PKD2L1: variants seen among roughly 807,000 people sequenced by gnomAD.
PKD2L1 encodes polycystin 2 like 1, transient receptor potential cation channel.
Under a neutral mutation model 93.0 loss-of-function variants are expected in PKD2L1, and 77 were observed. The observed-to-expected ratio is 0.83, with a 90% CI of 0.69 to 1.00. The LOEUF (loss-of-function observed/expected upper bound fraction) is 1.00, where lower values mean the gene tolerates loss of function less well. Ranked by LOEUF, PKD2L1 falls within the 50% of genes least tolerant of loss-of-function variation. The probability of loss-of-function intolerance (pLI) is 0.00; values close to 1 mark genes in which losing one functional copy is unlikely to be tolerated. For synonymous variants in PKD2L1, 390 were observed against 388.0 expected, an observed-to-expected ratio of 1.01 and a Z score of -0.06; for missense variants, 977 against 990.9, an observed-to-expected ratio of 0.99 and a Z score of 0.19.
At chr10:100,323,095 C>T (rs959645779) in intron 2 of PKD2L1, among the ~76,000 whole-genome samples, 2 of 151,956 alleles carry the variant, frequency 1.3e-5, no homozygotes, top group South Asian at 2.1e-4. Context: ...GTGGTGGTGG[C>T]GGTTGTGATA....
intron 2 of PKD2L1, among the ~76,000 whole-genome samples, chr10:100,308,149 C>T (rs1031618743): frequency 6.6e-6 from 1 of 151,978 alleles, no homozygotes; most frequent in African/African-American, 2.4e-5. Flanking sequence ...TCTGTACACA[C>T]TATATCATGC....
At chr10:100,320,446 C>A (rs1344563907) in intron 2 of PKD2L1, among the ~76,000 whole-genome samples, 1 of 152,140 alleles carries the variant, frequency 6.6e-6, no homozygotes, top group Non-Finnish European at 1.5e-5. Flanking sequence ...GGGCTTGTCC[C>A]CTGCCAAATT....
intron 14 of PKD2L1, 53 bp from the exon 15 acceptor site, chr10:100,289,109 T>C: frequency 7.6e-7 from 1 of 1,308,250 alleles, no homozygotes; most frequent in Non-Finnish European, 1.1e-6. Context: ...TGTGTACCAC[T>C]TTTCTTTTCT....
rs150881773 is a variant in PKD2L1, at chr10:100,317,575, T to C, written c.349+11636A>G. Among the ~76,000 whole-genome samples, 42 of 152,300 alleles carry C rather than the reference T, an allele frequency of 2.8e-4. 1 individual carries two copies. Among genetic ancestry groups the C allele is most frequent in the African/African-American group, 9.4e-4 (39 of 41,568 alleles). ...CAAAGAAAAATTTTAATGGAATTGT[T>C]TTCCATGTTTGCAAGTCTCCTAATG... On this transcript the variant is annotated intron_variant, in intron 2 of 15. Transcript: ENST00000318222.
chr10:100,312,318 T>A (rs1848952596), intron 2 of PKD2L1, among the ~76,000 whole-genome samples: 1 of 152,224 alleles, frequency 6.6e-6, no homozygotes. Flanking sequence ...ATTCTGGTTC[T>A]AGAGAACCTA....
rs772715121 is a variant in PKD2L1, at chr10:100,293,418, ACCCACTGAAAGGATTGAG to A, written c.1660-57_1660-40del. 3.1e-6 allele frequency: 4 copies of A among 1,303,378 alleles called. No individual in the cohort carries two copies. The East Asian group carries it at 9.2e-5, about 30-fold the overall frequency. The allele number at this position is 1,303,378 out of a possible 1,614,324, so 80.7% of individuals were successfully genotyped here. A position where few individuals can be genotyped will look rare whatever the true frequency, so the allele number is the denominator to read the frequency against. The stretch of plus-strand genomic sequence containing the variant: ...TGGGGACCTGGGTCCTCACCCCCAG[ACCCACTGAAAGGATTGAG>A]CCCACTGACCCCATTAATGTCCAAG... On this transcript the variant is annotated intron_variant, in intron 9 of 15. Transcript: ENST00000318222.
intron 2 of PKD2L1, among the ~76,000 whole-genome samples, chr10:100,311,004 T>C (rs1464212798): frequency 6.6e-6 from 1 of 152,228 alleles, no homozygotes; most frequent in East Asian, 1.9e-4. Context: ...GTGCTAGGAT[T>C]ACAGGCATGA....
chr10:100,293,256 T>C (rs777254730), intron 10 of PKD2L1, 25 bp downstream of exon 10: 12 of 1,563,074 alleles, frequency 7.7e-6, no homozygotes, highest in South Asian at 2.2e-5. Flanking sequence ...TGGAAATGTG[T>C]AGCTCAAGGA....
rs771061247 is a variant in PKD2L1 at position 100,329,901 on chromosome 10, C to G, written c.203G>C (p.Ser68Thr). ...GCCTTGACAGATATGGAGGCAGCAG[C>G]TGGACACCTGGGTCCTGTATGCCGT... ...QETAYRTQVS[S>T]CCLHICQGIR... Residue 68 changes from serine (S) to threonine (T), a missense_variant, in exon 1 of 16, where the codon AGC becomes ACC. Transcript: ENST00000318222. The G allele has an allele frequency of 3.7e-6, 6 of 1,613,244 alleles. No individual in the cohort carries two copies. Among genetic ancestry groups the G allele is most frequent in the Non-Finnish European group, 4.2e-6 (5 of 1,179,294 alleles).
intron 2 of PKD2L1, among the ~76,000 whole-genome samples, chr10:100,309,769 GC>G (rs1848889327): frequency 6.6e-6 from 1 of 152,162 alleles, no homozygotes; most frequent in African/African-American, 2.4e-5. Flanking sequence ...GAATGAGAAA[GC>G]CCCAGAAGAG....
chr10:100,299,191 A>G (rs569051320), intron 3 of PKD2L1, among the ~76,000 whole-genome samples: 1 of 152,280 alleles, frequency 6.6e-6, no homozygotes, highest in East Asian at 1.9e-4. Context: ...AACTGACCTC[A>G]GGTGATTTGT....
chr10:100,298,899 TC>T, intron 3 of PKD2L1, 84 bp from the exon 4 acceptor site: 1 of 1,286,594 alleles, frequency 7.8e-7, no homozygotes, highest in Non-Finnish European at 1.1e-6. Flanking sequence ...ATCCTCTGAC[TC>T]CCCAGCTTGT....
At chr10:100,290,569 A>G in intron 12 of PKD2L1, 50 bp from the exon 13 acceptor site, 1 of 1,199,296 alleles carries the variant, frequency 8.3e-7, no homozygotes, top group Admixed American at 1.7e-5. Context: ...CTGGGAAGCC[A>G]TCAGCTCCTG....
At chr10:100,305,980 C>T (rs570799208) in intron 2 of PKD2L1, among the ~76,000 whole-genome samples, 2 of 151,784 alleles carry the variant, frequency 1.3e-5, no homozygotes, top group Non-Finnish European at 2.9e-5. Context: ...TCCAGGAGTT[C>T]GATATCAGCC....
chr10:100,296,554 G>A (rs1385955876), intron 6 of PKD2L1, among the ~76,000 whole-genome samples: 4 of 152,162 alleles, frequency 2.6e-5, no homozygotes, highest in Non-Finnish European at 5.9e-5. Context: ...TAGGGAACTG[G>A]AACCAGTCAT....
At position 100,295,093 on chromosome 10, in the gene PKD2L1, T is replaced by C; in HGVS notation, c.1387A>G (p.Met463Val). Residue 463 changes from methionine to valine, a missense_variant, in exon 8 of 16, where the codon ATG (methionine) becomes GTG (valine). By Grantham distance (21) the Met-to-Val change is conservative. Coordinates refer to ENST00000318222, the MANE Select transcript of PKD2L1 (RefSeq NM_016112.3). Reference protein sequence around the residue: ...IFKYISFNKTMTQLSSTLARC... With the variant: ...IFKYISFNKTVTQLSSTLARC... ...GCCAGCGTGGAGGAGAGCTGGGTCA[T>C]GGTTTTGTTGAAGCTGATGTACTTG... The C allele has an allele frequency of 1.2e-6, 2 of 1,614,072 alleles. No homozygotes were observed. Among genetic ancestry groups the C allele is most frequent in the Non-Finnish European group, 1.7e-6 (2 of 1,179,968 alleles).
chr10:100,297,216 G>A lies in PKD2L1; in HGVS notation c.957-8C>T. 6.2e-7 allele frequency: 1 copy of A among 1,611,800 alleles called. No homozygotes were observed. Among genetic ancestry groups the A allele is most frequent in the Non-Finnish European group, 8.5e-7 (1 of 1,178,518 alleles). Reference sequence around the variant, plus strand: ...GGAAACTCCACCACCAGCCTATAGGGGGAGGGGGAGATGACCTCCAGTGGA... The same window carrying A: ...GGAAACTCCACCACCAGCCTATAGGAGGAGGGGGAGATGACCTCCAGTGGA... On this transcript the variant is annotated splice_region_variant and splice_polypyrimidine_tract_variant and intron_variant, in intron 5 of 15. Coordinates refer to ENST00000318222, the MANE Select transcript of PKD2L1 (RefSeq NM_016112.3).
chr10:100,296,771 G>C (rs1848549265), intron 6 of PKD2L1, among the ~76,000 whole-genome samples: 1 of 152,022 alleles, frequency 6.6e-6, no homozygotes, highest in Admixed American at 6.6e-5. Flanking sequence ...GATGACAGGT[G>C]AGGAGGAGAG....
At position 100,294,573 on chromosome 10, in the gene PKD2L1, A is replaced by C; in HGVS notation, c.1621T>G (p.Phe541Val). ...AAGACGAAGAAGACATAGGTGACAAAGTAGGCAGGGCCCAGGATGCGGTTG... is the reference window on the plus strand; with the variant it reads ...AAGACGAAGAAGACATAGGTGACAACGTAGGCAGGGCCCAGGATGCGGTTG... ...NANRILGPAY[F>V]VTYVFFVFFV... The change falls in exon 9 of 16, where the codon TTT becomes GTT. Residue 541 changes from phenylalanine (F) to valine (V), a missense_variant. By Grantham distance (50) the Phe-to-Val change is conservative. Transcript: ENST00000318222. The C allele has an allele frequency of 6.2e-7, 1 of 1,614,108 alleles. No homozygotes were observed. Among genetic ancestry groups the C allele is most frequent in the Non-Finnish European group, 8.5e-7 (1 of 1,179,992 alleles).
Sources: allele counts gnomAD v4.1 joint callset (sites outside exome capture counted in the v4.1 genomes callset), GRCh38; gene constraint gnomAD v4.1.1; transcripts MANE v1.5; gene names NCBI Gene and HGNC (gene_info 2026-07-23, HGNC 2026-07-21).